The following PDZRN4 variants were observed in gnomAD, a reference collection of about 807,000 sequenced individuals.
PDZRN4 encodes PDZ domain-containing RING finger protein 4.
PDZRN4 carries 70 observed loss-of-function variants against 99.0 expected under a neutral mutation model. The observed-to-expected ratio is 0.71, with a 90% CI of 0.58 to 0.86. The LOEUF (loss-of-function observed/expected upper bound fraction) is 0.86, where lower values mean the gene tolerates loss of function less well. Among genes scored for constraint, PDZRN4 ranks in the 40% least tolerant of loss-of-function variants. The pLI is 0.00. For synonymous variants in PDZRN4, 551 were observed against 501.6 expected (o/e 1.10, Z -1.32); for missense variants, 1,474 against 1,331.2 (o/e 1.11, Z -1.67).
chr12:41,318,854 C>G (rs545958555), intron 3 of PDZRN4, among the ~76,000 whole-genome samples: 1 of 152,204 alleles, frequency 6.6e-6, no homozygotes, highest in East Asian at 1.9e-4. Context: ...TATTACCTCT[C>G]TGAATCTTAT....
At chr12:41,388,857 C>T (rs1304382590) in intron 3 of PDZRN4, among the ~76,000 whole-genome samples, 1 of 152,078 alleles carries the variant, frequency 6.6e-6, no homozygotes, top group Non-Finnish European at 1.5e-5. Flanking sequence ...GTGTATTCAT[C>T]TTATTTTTAA....
intron 3 of PDZRN4, among the ~76,000 whole-genome samples, chr12:41,317,764 G>A (rs752056351): frequency 1.1e-4 from 17 of 151,962 alleles, no homozygotes; most frequent in Non-Finnish European, 2.1e-4. Flanking sequence ...CATGGACTCC[G>A]GGCTCCACCT....
chr12:41,450,324 CTAATT>C (rs1321875108), intron 3 of PDZRN4, among the ~76,000 whole-genome samples: 3 of 152,074 alleles, frequency 2.0e-5, no homozygotes, highest in African/African-American at 7.2e-5. Context: ...TTTCAGGAAA[CTAATT>C]CAGTGGCCCA....
intron 3 of PDZRN4, among the ~76,000 whole-genome samples, chr12:41,481,485 T>C (rs551538034): frequency 1.3e-5 from 2 of 152,302 alleles, no homozygotes; most frequent in East Asian, 3.9e-4. Flanking sequence ...TCCCTGTTTT[T>C]CCATATGAAA....
chr12:41,191,667 A>G (rs1210579407), intron 2 of PDZRN4, 123 bp downstream of exon 2: 7 of 529,254 alleles, frequency 1.3e-5, no homozygotes, highest in Non-Finnish European at 2.3e-5. Flanking sequence ...AAGAAAAACA[A>G]GTGGTTTAAT....
intron 3 of PDZRN4, among the ~76,000 whole-genome samples, chr12:41,454,812 C>G (rs1320705818): frequency 3.3e-5 from 5 of 152,174 alleles, no homozygotes; most frequent in Non-Finnish European, 7.3e-5. Flanking sequence ...AGATCCTTTC[C>G]CTTATGTAAA....
At chr12:41,305,017 G>A (rs747418536) in intron 3 of PDZRN4, among the ~76,000 whole-genome samples, 1 of 152,222 alleles carries the variant, frequency 6.6e-6, no homozygotes, top group Non-Finnish European at 1.5e-5. Context: ...CAAAGGTGGT[G>A]TAGCAGCTGG....
intron 3 of PDZRN4, among the ~76,000 whole-genome samples, chr12:41,387,130 TAA>T (rs1192445262): frequency 1.3e-5 from 2 of 152,108 alleles, no homozygotes; most frequent in Admixed American, 1.3e-4. Flanking sequence ...AGGATCTAAT[TAA>T]ACTAAAGAGC....
At chr12:41,529,703 T>G (rs571109804) in intron 5 of PDZRN4, among the ~76,000 whole-genome samples, 2 of 152,318 alleles carry the variant, frequency 1.3e-5, no homozygotes, top group African/African-American at 4.8e-5. Flanking sequence ...CTACTCTTCC[T>G]ATGTTTTTGT....
intron 3 of PDZRN4, among the ~76,000 whole-genome samples, chr12:41,288,172 G>C (rs1000821078): frequency 3.3e-5 from 5 of 152,076 alleles, no homozygotes; most frequent in Non-Finnish European, 5.9e-5. Context: ...CTCTTCAGCG[G>C]GCATTATGTA....
At chr12:41,415,905 G>A (rs1952441129) in intron 3 of PDZRN4, among the ~76,000 whole-genome samples, 1 of 152,154 alleles carries the variant, frequency 6.6e-6, no homozygotes, top group Non-Finnish European at 1.5e-5. Flanking sequence ...TTTCATGCTT[G>A]TGAATATAAT....
intron 5 of PDZRN4, among the ~76,000 whole-genome samples, chr12:41,516,436 G>C (rs1045814340): frequency 1.3e-5 from 2 of 152,064 alleles, no homozygotes; most frequent in African/African-American, 4.8e-5. Context: ...TAAATTGGGG[G>C]AGAGGAGAAG....
intron 3 of PDZRN4, among the ~76,000 whole-genome samples, chr12:41,255,193 G>A (rs1252400796): frequency 6.6e-6 from 1 of 152,152 alleles, no homozygotes; most frequent in Non-Finnish European, 1.5e-5. Flanking sequence ...TGGGGCCAGA[G>A]TATAGAGTGC....
At chr12:41,312,271 A>T (rs1592007560) in intron 3 of PDZRN4, among the ~76,000 whole-genome samples, 1 of 151,818 alleles carries the variant, frequency 6.6e-6, no homozygotes, top group Admixed American at 6.6e-5. Context: ...GGGAAGAAAA[A>T]AAAAAACACA....
rs559165151 is a variant in PDZRN4, at chr12:41,269,410, T to C, written c.843+75222T>C. On this transcript the variant is annotated intron_variant, in intron 3 of 9. Transcript: ENST00000402685. ...TATCATACAAGAAGCAGATAGCTTC[T>C]TGCAGCCCAACATAATTGATTCCAA... Among the ~76,000 whole-genome samples the C allele has an allele frequency of 8.7e-4, 132 of 152,316 alleles. 1 individual carries two copies. Among genetic ancestry groups the C allele is most frequent in the African/African-American group, 2.7e-3 (114 of 41,562 alleles).
intron 3 of PDZRN4, among the ~76,000 whole-genome samples, chr12:41,498,143 C>G (rs1938043181): frequency 6.6e-6 from 1 of 152,058 alleles, no homozygotes; most frequent in East Asian, 1.9e-4. Context: ...CTCTCTCTCT[C>G]TCTCTCTTAT....
chr12:41,283,097 T>TTA (rs1951399613), intron 3 of PDZRN4, among the ~76,000 whole-genome samples: 1 of 150,662 alleles, frequency 6.6e-6, no homozygotes. Context: ...CTGTTTTTTT[T>TTA]AAAAGATTAA....
intron 3 of PDZRN4, among the ~76,000 whole-genome samples, chr12:41,196,212 G>T (rs1331121047): frequency 6.6e-6 from 1 of 151,926 alleles, no homozygotes. Flanking sequence ...TTTAAACCCT[G>T]TAAGATAAAA....
At chr12:41,209,669 C>T (rs1191060381) in intron 3 of PDZRN4, among the ~76,000 whole-genome samples, 4 of 151,054 alleles carry the variant, frequency 2.6e-5, no homozygotes, top group Non-Finnish European at 5.9e-5. Context: ...CTACAAAGGA[C>T]ATGAACTCAT....
Sources: allele counts gnomAD v4.1 joint callset (sites outside exome capture counted in the v4.1 genomes callset), GRCh38; gene constraint gnomAD v4.1.1; transcripts MANE v1.5; gene names NCBI Gene and HGNC (gene_info 2026-07-23, HGNC 2026-07-21).